Variants in MEFV observed in about 807,000 individuals in gnomAD.
MEFV encodes MEFV innate immunity regulator, pyrin.
Under a neutral mutation model 62.5 loss-of-function variants are expected in MEFV, and 60 were observed. The observed-to-expected ratio is 0.96, with a 90% confidence interval of 0.78 to 1.19. The LOEUF is 1.19. MEFV is among the 50% of genes most tolerant of loss of function. MEFV has a pLI of 0.00. For synonymous variants in MEFV, 500 were observed against 415.2 expected (o/e 1.20, Z -2.48); for missense variants, 1,169 against 1,004.5 (o/e 1.16, Z -2.21).
Position 3,254,265 on chromosome 16 carries a change from G to A in MEFV, c.803C>T (p.Ala268Val), listed in dbSNP as rs104895123. 6 of 1,614,266 alleles carry A rather than the reference G, an allele frequency of 3.7e-6. No homozygotes were observed. The highest frequency in any genetic ancestry group is 5.1e-6 in the Non-Finnish European group (6 of 1,180,038). The change falls in exon 2 of 10, where the codon GCT (alanine) becomes GTT (valine). Residue 268 changes from alanine to valine, a missense_variant. Coordinates refer to ENST00000219596, the MANE Select transcript of MEFV (RefSeq NM_000243.3). Reference sequence around the variant, plus strand: ...TTCTGTTGCCGAGTCCAGATTCGCAGCTGTCTTTTCCTCTAGAGTCAGGAG... The same window carrying A: ...TTCTGTTGCCGAGTCCAGATTCGCAACTGTCTTTTCCTCTAGAGTCAGGAG... ...EILLTLEEKT[A>V]ANLDSATEPR...
At chr16:3,245,112 C>T (rs1205096880) in intron 6 of MEFV, among the ~76,000 whole-genome samples, 1 of 151,958 alleles carries the variant, frequency 6.6e-6, no homozygotes, top group Non-Finnish European at 1.5e-5. Flanking sequence ...CATGGCGAAA[C>T]CCTGTCTCTA....
intron 1 of MEFV, among the ~76,000 whole-genome samples, chr16:3,255,132 C>T (rs1287591052): frequency 6.6e-6 from 1 of 152,180 alleles, no homozygotes; most frequent in African/African-American, 2.4e-5. Flanking sequence ...GCCTGGCCAA[C>T]ATGGCAAAAC....
At chr16:3,250,808 G>A (rs1243657673) in intron 2 of MEFV, among the ~76,000 whole-genome samples, 2 of 151,288 alleles carry the variant, frequency 1.3e-5, no homozygotes, top group East Asian at 2.0e-4. Context: ...GGTGGGTCAT[G>A]AGGTCAGGAG....
rs1435577039 is a variant in MEFV, at chr16:3,242,913, C to T, written c.*228G>A. ...TTATGCAACGACTCCGTACTTCCTC[C>T]TCTGAAATCCATGGTGTGTCATCAG... On this transcript the variant is annotated 3_prime_UTR_variant, in exon 10 of 10. Coordinates refer to ENST00000219596, the MANE Select transcript of MEFV (RefSeq NM_000243.3). 6 of 578,220 alleles carry T rather than the reference C, an allele frequency of 1.0e-5. No homozygotes were observed. The East Asian group carries it at 1.8e-4, about 18-fold the overall frequency. The allele number at this position is 578,220 out of a possible 1,614,324, so 35.8% of individuals were successfully genotyped here.
intron 2 of MEFV, among the ~76,000 whole-genome samples, chr16:3,253,344 C>T (rs1405680722): frequency 6.6e-6 from 1 of 152,114 alleles, no homozygotes; most frequent in Non-Finnish European, 1.5e-5. Flanking sequence ...TGGAACCCTG[C>T]CCTGGGCCTG....
At position 3,243,224 on chromosome 16, in the gene MEFV, T is replaced by C. The variant is rs104895194; in HGVS notation, c.2263A>G (p.Ile755Val). The C allele has an allele frequency of 1.9e-5, 30 of 1,614,066 alleles. No homozygotes were observed. In the East Asian group the frequency reaches 2.5e-4, roughly 13 times the overall value. ...SCSFSGPLQP[I>V]FSPGTRDGGK... ...CCATCACGTGTCCCAGGGCTGAAGA[T>C]AGGTTGAAGGGGCCCAGAGAAAGAG... The change falls in exon 10 of 10, where the codon ATC becomes GTC. Residue 755 changes from isoleucine (I) to valine (V), a missense_variant. Physicochemically the swap from Ile to Val is conservative, Grantham distance 29 (BLOSUM62 3). Transcript: ENST00000219596.
chr16:3,244,511 T>TTCTGGTGGAGGAGTTGGA lies in MEFV; in HGVS notation c.1670_1687dup (p.Ile557_Gln562dup). 1 of 1,614,166 alleles carries TTCTGGTGGAGGAGTTGGA rather than the reference T, an allele frequency of 6.2e-7. No individual in the cohort carries two copies. Among genetic ancestry groups the TTCTGGTGGAGGAGTTGGA allele is most frequent in the South Asian group, 1.1e-5 (1 of 91,084 alleles). Reference sequence around the variant, plus strand: ...TGTGCTCTTCTCCACAAACTCTGACTTCTGGTGGAGGAGTTGGATCTTTTG... The same window carrying TTCTGGTGGAGGAGTTGGA: ...TGTGCTCTTCTCCACAAACTCTGACTTCTGGTGGAGGAGTTGGATCTGGTGGAGGAGTTGGATCTTTTG... On this transcript the variant is annotated inframe_insertion, in exon 7 of 10. Coordinates refer to ENST00000219596, the MANE Select transcript of MEFV (RefSeq NM_000243.3).
At chr16:3,244,915 TAATA>T (rs1471798388) in intron 6 of MEFV, among the ~76,000 whole-genome samples, 1 of 151,800 alleles carries the variant, frequency 6.6e-6, no homozygotes, top group Non-Finnish European at 1.5e-5. Context: ...AATAAAAAGA[TAATA>T]AATGAAAAAA....
At chr16:3,248,053 G>A (rs1958970732) in intron 4 of MEFV, 1 of 151,646 alleles carries the variant, frequency 6.6e-6, no homozygotes, top group Non-Finnish European at 1.5e-5. Flanking sequence ...GAGGTCAGGA[G>A]TTTGAGACCA....
Position 3,245,910 on chromosome 16 carries a change from T to G in MEFV, c.1610+615A>C, listed in dbSNP as rs148043767. On this transcript the variant is annotated intron_variant, in intron 6 of 9. Transcript: ENST00000219596. ...GCAACATTATTCACAAACCAAAAGT[T>G]AGAAGAAGTCCCGATATCCATGAAT... Among the ~76,000 whole-genome samples the G allele has an allele frequency of 6.3e-4, 96 of 152,268 alleles. 1 individual carries two copies. The highest frequency in any genetic ancestry group is 2.1e-3 in the African/African-American group (88 of 41,554).
intron 1 of MEFV, among the ~76,000 whole-genome samples, chr16:3,255,972 G>C (rs920025607): frequency 3.9e-5 from 6 of 152,032 alleles, no homozygotes; most frequent in African/African-American, 7.2e-5. Context: ...TGATTGCATA[G>C]CAATCCCTTT....
chr16:3,244,403 G>A, intron 7 of MEFV, 70 bp downstream of exon 7: 2 of 1,568,872 alleles, frequency 1.3e-6, no homozygotes, highest in South Asian at 1.1e-5. Context: ...GGAAGTGAGG[G>A]GCTCTGGGCT....
chr16:3,243,210 C>A lies in MEFV; in HGVS notation c.2277G>T (p.Gly759=). Residue 759 remains glycine, a synonymous_variant, in exon 10 of 10, where the codon GGG becomes GGT. Coordinates refer to ENST00000219596, the MANE Select transcript of MEFV (RefSeq NM_000243.3). ...SGPLQPIFSP[G]TRDGGKNTAP... ...CTGTGTTCTTCCCTCCATCACGTGTCCCAGGGCTGAAGATAGGTTGAAGGG... is the reference window on the plus strand; with the variant it reads ...CTGTGTTCTTCCCTCCATCACGTGTACCAGGGCTGAAGATAGGTTGAAGGG... The A allele has an allele frequency of 6.2e-7, 1 of 1,614,076 alleles. No individual in the cohort carries two copies. Among genetic ancestry groups the A allele is most frequent in the Non-Finnish European group, 8.5e-7 (1 of 1,180,020 alleles).
intron 2 of MEFV, among the ~76,000 whole-genome samples, chr16:3,253,380 G>A (rs368888076): frequency 1.3e-5 from 2 of 152,128 alleles, no homozygotes; most frequent in Non-Finnish European, 2.9e-5. Context: ...TCCCCTCCCT[G>A]GACTCTAAAA....
intron 8 of MEFV, 85 bp from the exon 9 acceptor site, chr16:3,243,977 A>T: frequency 3.2e-6 from 5 of 1,586,364 alleles, no homozygotes; most frequent in Non-Finnish European, 4.3e-6. Flanking sequence ...CAACAAGGAA[A>T]GACAAGGAAC....
rs747331581 is a variant in MEFV, at chr16:3,243,368, T to A, written c.2119A>T (p.Thr707Ser). 1.2e-6 allele frequency: 2 copies of A among 1,613,972 alleles called. No individual in the cohort carries two copies. Among genetic ancestry groups the A allele is most frequent in the South Asian group, 2.2e-5 (2 of 91,082 alleles). ...GGAGGCTCCTTTATTAGCAGGCGGG[T>A]CGGGGGAACGCTGGACGCCTGGTAC... Reference protein sequence around the residue: ...NEYQASSVPPTRLLIKEPPKR... With the variant: ...NEYQASSVPPSRLLIKEPPKR... The change falls in exon 10 of 10, where the codon ACC (threonine) becomes TCC (serine). Residue 707 changes from threonine (T) to serine (S), a missense_variant. Thr to Ser is a moderately conservative substitution (Grantham distance 58). Transcript: ENST00000219596.
At position 3,242,296 on chromosome 16, in the gene MEFV, G is replaced by A. The variant is rs371608683; in HGVS notation, c.*845C>T. On this transcript the variant is annotated 3_prime_UTR_variant, in exon 10 of 10. Coordinates refer to ENST00000219596, the MANE Select transcript of MEFV (RefSeq NM_000243.3). ...GGAGAATCTCTTGAACCTGGGAGGC[G>A]GAGGTTGCGAGCCAAGATTGCACCA... 1,102 of 110,518 alleles carry A rather than the reference G, an allele frequency of 1.0e-2. 15 individuals are homozygous for A. The highest frequency in any genetic ancestry group is 0.04 in the African/African-American group (922 of 22,952). 6.8% of individuals were successfully genotyped at this position (110,518 alleles called of 1,614,324 possible).
rs1331069159 is a variant in MEFV, at chr16:3,254,233, C to T, written c.835G>A (p.Ala279Thr). 1 of 1,614,268 alleles carries T rather than the reference C, an allele frequency of 6.2e-7. No homozygotes were observed. The highest frequency in any genetic ancestry group is 1.3e-5 in the African/African-American group (1 of 75,076). Residue 279 changes from alanine (A) to threonine (T), a missense_variant, in exon 2 of 10, where the codon GCA (alanine) becomes ACA (threonine). Physicochemically the swap from Ala to Thr is moderately conservative, Grantham distance 58 (BLOSUM62 0). Transcript: ENST00000219596. ...GCCCCTCCATCCGGAGTGGGCCTTG[C>T]CCGGGGTTCTGTTGCCGAGTCCAGA... Reference protein sequence around the residue: ...ANLDSATEPRARPTPDGGASA... With the variant: ...ANLDSATEPRTRPTPDGGASA...
chr16:3,254,498 G>GGGGCCGGGGCTTCTCCCGCCCGGCA lies in MEFV; in HGVS notation c.545_569dup (p.Cys191AlafsTer59). On this transcript the variant is annotated frameshift_variant, in exon 2 of 10. Coordinates refer to ENST00000219596, the MANE Select transcript of MEFV (RefSeq NM_000243.3). LOFTEE classifies it high-confidence loss of function. ...CCTGGCCCCCCTCTAGCGCCCTGCA[G>GGGGCCGGGGCTTCTCCCGCCCGGCA]GGGCCGGGGCTTCTCCCGCCCGGCA... 1 of 1,571,882 alleles carries GGGGCCGGGGCTTCTCCCGCCCGGCA rather than the reference G, an allele frequency of 6.4e-7. No individual in the cohort carries two copies. The highest frequency in any genetic ancestry group is 1.1e-5 in the South Asian group (1 of 88,448).
Sources: allele counts gnomAD v4.1 joint callset (sites outside exome capture counted in the v4.1 genomes callset), GRCh38; gene constraint gnomAD v4.1.1; transcripts MANE v1.5; gene names NCBI Gene and HGNC (gene_info 2026-07-23, HGNC 2026-07-21).